MMP26: variants seen among roughly 807,000 people sequenced by gnomAD.
The protein encoded by MMP26 is matrix metalloproteinase-26.
Under a neutral mutation model 31.0 loss-of-function variants are expected in MMP26, and 33 were observed. That is an observed-to-expected ratio of 1.06 (90% CI 0.81 to 1.42). The LOEUF (loss-of-function observed/expected upper bound fraction) is 1.42. Among genes scored for constraint, MMP26 ranks in the 40% most tolerant of loss-of-function variants. MMP26 has a pLI of 0.00. For synonymous variants in MMP26, 122 were observed against 114.9 expected (o/e 1.06, Z -0.40); for missense variants, 347 against 316.1 (o/e 1.10, Z -0.74).
intron 1 of MMP26, among the ~76,000 whole-genome samples, chr11:4,705,316 G>A (rs1335526771): frequency 6.6e-6 from 1 of 152,200 alleles, no homozygotes; most frequent in Admixed American, 6.5e-5. Context: ...AGAGCATGGC[G>A]TTTGGAGTAA....
intron 2 of MMP26, chr11:4,923,971 G>C: frequency 1.2e-6 from 2 of 1,614,142 alleles, no homozygotes; most frequent in Non-Finnish European, 1.7e-6. Context: ...CCACGTAGCG[G>C]TCAATGGACA....
intron 2 of MMP26, chr11:4,821,424 G>A (rs1246827146): frequency 1.2e-6 from 2 of 1,613,916 alleles, no homozygotes; most frequent in South Asian, 2.2e-5. Flanking sequence ...GCTTCCCTAT[G>A]TCGGTCCTCA....
At chr11:4,985,379 A>G (rs1345121943) in intron 2 of MMP26, among the ~76,000 whole-genome samples, 1 of 152,192 alleles carries the variant, frequency 6.6e-6, no homozygotes, top group Non-Finnish European at 1.5e-5. Context: ...TTGTCTAACA[A>G]CAAACATCAT....
chr11:4,726,823 A>G (rs772497484), intron 1 of MMP26, among the ~76,000 whole-genome samples: 3 of 152,196 alleles, frequency 2.0e-5, no homozygotes, highest in Non-Finnish European at 4.4e-5. Context: ...CCTAAGCAGT[A>G]TACTGAGATC....
chr11:4,869,329 G>A (rs1850280532), intron 2 of MMP26, among the ~76,000 whole-genome samples: 1 of 152,096 alleles, frequency 6.6e-6, no homozygotes, highest in Admixed American at 6.6e-5. Context: ...CTGACAAAGG[G>A]CTAATATCCA....
At chr11:4,802,504 G>A (rs1849197093) in intron 2 of MMP26, among the ~76,000 whole-genome samples, 1 of 152,110 alleles carries the variant, frequency 6.6e-6, no homozygotes, top group Admixed American at 6.5e-5. Context: ...GTATGGTATT[G>A]TATTCAATTT....
At chr11:4,724,680 G>C (rs1057466247) in intron 1 of MMP26, among the ~76,000 whole-genome samples, 1 of 152,198 alleles carries the variant, frequency 6.6e-6, no homozygotes, top group Non-Finnish European at 1.5e-5. Context: ...GGTGGTAGGA[G>C]AAAGTTTTTG....
chr11:4,764,535 C>T (rs1174088995), intron 1 of MMP26, among the ~76,000 whole-genome samples: 2 of 152,254 alleles, frequency 1.3e-5, no homozygotes, highest in African/African-American at 2.4e-5. Flanking sequence ...TGATTTTTAA[C>T]ATTATATTTC....
chr11:4,831,358 C>T (rs1849643862), intron 2 of MMP26, among the ~76,000 whole-genome samples: 1 of 152,160 alleles, frequency 6.6e-6, no homozygotes, highest in Non-Finnish European at 1.5e-5. Flanking sequence ...CCTCAGGCTA[C>T]TGTCAAGATC....
intron 1 of MMP26, among the ~76,000 whole-genome samples, chr11:4,757,842 GA>G (rs1167117729): frequency 6.6e-6 from 1 of 151,092 alleles, no homozygotes; most frequent in East Asian, 1.9e-4. Flanking sequence ...ACGAACGAAG[GA>G]AAAAAAATAC....
chr11:4,958,970 G>A (rs1479614066), intron 2 of MMP26, among the ~76,000 whole-genome samples: 1 of 152,180 alleles, frequency 6.6e-6, no homozygotes, highest in Non-Finnish European at 1.5e-5. Flanking sequence ...CGGGCGCGGT[G>A]GCTCACGCCT....
In MMP26 at chr11:4,862,991, C is replaced by A. The variant is rs116726921; in HGVS notation, c.-145+95650C>A. Among the ~76,000 whole-genome samples, 1,450 of 152,188 alleles carry A rather than the reference C, an allele frequency of 9.5e-3. 28 individuals are homozygous for A. Among genetic ancestry groups the A allele is most frequent in the African/African-American group, 0.031 (1,300 of 41,530 alleles). On this transcript the variant is annotated intron_variant, in intron 2 of 7. Coordinates refer to ENST00000380390, the MANE Select transcript of MMP26 (RefSeq NM_021801.5). ...AAGTGAGAGCCTTCACTTGTTTGGG[C>A]CTGCTGTTCTGTATCCCCAGCAATT...
intron 2 of MMP26, among the ~76,000 whole-genome samples, chr11:4,880,169 A>G (rs11034467): frequency 0.44 from 67,170 of 151,750 alleles, 16,422 homozygotes; most frequent in Non-Finnish European, 0.55. Context: ...AATGCTCCCC[A>G]TTGCCTGGGG....
chr11:4,936,872 A>T (rs914448772), intron 2 of MMP26, among the ~76,000 whole-genome samples: 2 of 152,188 alleles, frequency 1.3e-5, no homozygotes, highest in African/African-American at 4.8e-5. Flanking sequence ...ATTTACATCC[A>T]TCCAAATATG....
intron 2 of MMP26, among the ~76,000 whole-genome samples, chr11:4,939,716 C>G (rs1846181849): frequency 6.6e-6 from 1 of 152,026 alleles, no homozygotes; most frequent in African/African-American, 2.4e-5. Flanking sequence ...GAGACTTTTT[C>G]CTTCTTCACA....
intron 1 of MMP26, among the ~76,000 whole-genome samples, chr11:4,721,292 A>G (rs1368105160): frequency 6.6e-6 from 1 of 152,216 alleles, no homozygotes; most frequent in Non-Finnish European, 1.5e-5. Context: ...GCAGTAACTA[A>G]TAACTACAGC....
chr11:4,864,375 C>A (rs1019603304), intron 2 of MMP26, among the ~76,000 whole-genome samples: 1 of 152,150 alleles, frequency 6.6e-6, no homozygotes, highest in African/African-American at 2.4e-5. Context: ...CAGACCCTTT[C>A]TATCACATAT....
chr11:4,748,800 G>A (rs1848413170), intron 1 of MMP26, among the ~76,000 whole-genome samples: 2 of 151,844 alleles, frequency 1.3e-5, no homozygotes, highest in South Asian at 2.1e-4. Context: ...ACCTGAAAAT[G>A]ATAAAAGCCA....
intron 1 of MMP26, among the ~76,000 whole-genome samples, chr11:4,745,735 A>G (rs910961441): frequency 6.6e-6 from 1 of 152,118 alleles, no homozygotes; most frequent in African/African-American, 2.4e-5. Flanking sequence ...CCATTGCCCT[A>G]AAAAGTCCTC....
Sources: gnomAD v4.1 joint callset for allele counts (sites outside exome capture counted in the v4.1 genomes callset) on GRCh38, gnomAD v4.1.1 for gene constraint, MANE v1.5 for transcripts, NCBI Gene and HGNC (gene_info 2026-07-23, HGNC 2026-07-21) for gene names.